The following GRIN2C variants were observed in gnomAD, a reference collection of about 807,000 sequenced individuals.
GRIN2C encodes glutamate ionotropic receptor NMDA type subunit 2C.
A neutral mutation model predicts 77.7 loss-of-function variants in GRIN2C; 64 were observed. That is an observed-to-expected ratio of 0.82 (90% CI 0.67 to 1.01). The LOEUF (loss-of-function observed/expected upper bound fraction) is 1.01, where lower values mean the gene tolerates loss of function less well. GRIN2C is among the 50% of genes least tolerant of loss of function. The pLI, the probability that GRIN2C is intolerant of heterozygous loss-of-function variation, is 0.00. For synonymous variants in GRIN2C, 792 were observed against 643.4 expected (o/e 1.23, Z -3.49); for missense variants, 1,549 against 1,486.0 (o/e 1.04, Z -0.70).
At chr17:74,858,584 C>T (rs1403746350) in intron 1 of GRIN2C, among the ~76,000 whole-genome samples, 1 of 148,906 alleles carries the variant, frequency 6.7e-6, no homozygotes, top group East Asian at 2.0e-4. Context: ...CCGCCACAAT[C>T]TCCTCCCTTG....
chr17:74,844,932 A>G (rs1419907284), intron 11 of GRIN2C, among the ~76,000 whole-genome samples: 9 of 150,984 alleles, frequency 6.0e-5, no homozygotes, highest in South Asian at 4.2e-4. Context: ...TATTATTATT[A>G]TTGTTATTAT....
Position 74,850,927 on chromosome 17 carries a change from T to C in GRIN2C, c.1114-160A>G, listed in dbSNP as rs1046466107. 88 of 639,890 alleles carry C rather than the reference T, an allele frequency of 1.4e-4. 1 individual carries two copies. Among genetic ancestry groups the C allele is most frequent in the Admixed American group, 1.0e-4 (4 of 39,728 alleles). The allele number at this position is 639,890 out of a possible 1,614,324, so 39.6% of individuals were successfully genotyped here. On this transcript the variant is annotated intron_variant, in intron 4 of 12. Coordinates refer to ENST00000293190, the MANE Select transcript of GRIN2C (RefSeq NM_000835.6). The surrounding 1 kb of genome is among the most constrained non-coding windows in gnomAD (Gnocchi z 5.3). ...ACAGCCTCCCCCAGCCTCGGGTCCC[T>C]GTGTTCATACAGCTCCACACTGACC...
chr17:74,845,923 T>C (rs899926782), intron 11 of GRIN2C, 143 bp downstream of exon 11: 3 of 739,874 alleles, frequency 4.1e-6, no homozygotes, highest in Non-Finnish European at 7.0e-6. Context: ...TCCTAGTACC[T>C]GCCCACCTCA....
chr17:74,852,525 C>G lies in GRIN2C; in HGVS notation c.486G>C (p.Trp162Cys), dbSNP rs1485211745. The change falls in exon 3 of 13, where the codon TGG (tryptophan) becomes TGC (cysteine). Residue 162 changes from tryptophan (W) to cysteine (C), a missense_variant. This residue lies in a region of GRIN2C where 382 missense variants were observed against 360.0 expected (regional missense o/e 1.06). Coordinates refer to ENST00000293190, the MANE Select transcript of GRIN2C (RefSeq NM_000835.6). ...GGCTGGTGATGACGGCGAAGGCGCTCCAGTCGTACTCTTCCAGCACCTTGA... is the reference window on the plus strand; with the variant it reads ...GGCTGGTGATGACGGCGAAGGCGCTGCAGTCGTACTCTTCCAGCACCTTGA... ...VLFKVLEEYD[W>C]SAFAVITSLH... The G allele has an allele frequency of 1.3e-6, 2 of 1,567,796 alleles. No individual in the cohort carries two copies. Among genetic ancestry groups the G allele is most frequent in the African/African-American group, 2.8e-5 (2 of 70,908 alleles).
rs552884379 is a variant in GRIN2C at position 74,851,525 on chromosome 17, C to T, written c.1113+52G>A. ...GCTCAGCTGTGGGCACAAGAGGAGGCGGGGACAAAATAAGAGGACACTGAG... is the reference window on the plus strand; with the variant it reads ...GCTCAGCTGTGGGCACAAGAGGAGGTGGGGACAAAATAAGAGGACACTGAG... On this transcript the variant is annotated intron_variant, in intron 4 of 12. Coordinates refer to ENST00000293190, the MANE Select transcript of GRIN2C (RefSeq NM_000835.6). 1.5e-4 allele frequency: 156 copies of T among 1,029,650 alleles called. 1 individual carries two copies. The highest frequency in any genetic ancestry group is 1.4e-3 in the Middle Eastern group (7 of 4,966). The allele number at this position is 1,029,650 out of a possible 1,614,324, so 63.8% of individuals were successfully genotyped here. A position where few individuals can be genotyped will look rare whatever the true frequency, so the allele number is the denominator to read the frequency against.
Position 74,842,351 on chromosome 17 carries a change from G to A in GRIN2C, c.*84C>T. 1 of 685,720 alleles carries A rather than the reference G, an allele frequency of 1.5e-6. No individual in the cohort carries two copies. Among genetic ancestry groups the A allele is most frequent in the South Asian group, 1.6e-5 (1 of 60,958 alleles). 42.5% of individuals were successfully genotyped at this position (685,720 alleles called of 1,614,324 possible). A position where few individuals can be genotyped will look rare whatever the true frequency, so the allele number is the denominator to read the frequency against. On this transcript the variant is annotated 3_prime_UTR_variant, in exon 13 of 13. Coordinates refer to ENST00000293190, the MANE Select transcript of GRIN2C (RefSeq NM_000835.6). The stretch of plus-strand genomic sequence containing the variant: ...GGCCAGGATTTCATGGCAGAAGCCA[G>A]AAAAGCCCAATCCTGCCTGCCGCTT...
chr17:74,847,650 C>T lies in GRIN2C; in HGVS notation c.1772-113G>A, dbSNP rs529218241. 21 of 904,838 alleles carry T rather than the reference C, an allele frequency of 2.3e-5. No individual in the cohort carries two copies. The highest frequency in any genetic ancestry group is 3.3e-4 in the Middle Eastern group (1 of 2,996). 56.1% of individuals were successfully genotyped at this position (904,838 alleles called of 1,614,324 possible). ...GGTCTCAGCCTGGCCTTGGGGGGGA[C>T]GCGTCCTGGCCATTCCCTCGCCAGG... On this transcript the variant is annotated intron_variant, in intron 8 of 12. Coordinates refer to ENST00000293190, the MANE Select transcript of GRIN2C (RefSeq NM_000835.6). This position sits in a 1 kb window ranked among gnomAD's most constrained non-coding sequence, Gnocchi z 5.2.
At position 74,844,525 on chromosome 17, in the gene GRIN2C, T is replaced by C; in HGVS notation, c.2351-17A>G. 6.2e-7 allele frequency: 1 copy of C among 1,610,026 alleles called. No homozygotes were observed. The highest frequency in any genetic ancestry group is 1.1e-5 in the South Asian group (1 of 90,968). On this transcript the variant is annotated splice_polypyrimidine_tract_variant and intron_variant, in intron 11 of 12. Transcript: ENST00000293190. ...GTGTCTCTCCTGGAGTTGGGGGGTG[T>C]ACACATCTGGCTCAGGAAACCCCCC...
chr17:74,861,165 G>A (rs1024384871), upstream of GRIN2C, among the ~76,000 whole-genome samples: 4 of 152,224 alleles, frequency 2.6e-5, no homozygotes, highest in African/African-American at 4.8e-5. Flanking sequence ...CTTCGCCCGC[G>A]TCCTTCTCTC....
Position 74,847,697 on chromosome 17 carries a change from T to A in GRIN2C, c.1771+155A>T, listed in dbSNP as rs1210504140. ...CAGGTGAAGTGAGCTCACGTGTGTG[T>A]TTCTGTGTGTGTGTGTCATCTGACT... is the stretch of plus-strand genomic sequence containing the variant. On this transcript the variant is annotated intron_variant, in intron 8 of 12. Transcript: ENST00000293190. The surrounding 1 kb of genome is among the most constrained non-coding windows in gnomAD (Gnocchi z 5.2). Among the ~76,000 whole-genome samples the A allele has an allele frequency of 3.9e-5, 6 of 152,000 alleles. No individual in the cohort carries two copies. The highest frequency in any genetic ancestry group is 1.4e-4 in the African/African-American group (6 of 41,388).
intron 7 of GRIN2C, among the ~76,000 whole-genome samples, chr17:74,848,582 C>T (rs2037533973): frequency 6.6e-6 from 1 of 152,126 alleles, no homozygotes; most frequent in Non-Finnish European, 1.5e-5. Flanking sequence ...TGCCTGTAGT[C>T]CCAGCTACTC....
chr17:74,844,214 C>G (rs1001033501), intron 12 of GRIN2C, 62 bp downstream of exon 12: 26 of 1,594,696 alleles, frequency 1.6e-5, no homozygotes, highest in Non-Finnish European at 2.2e-5. Context: ...ATGGCCAGCC[C>G]GGACTTATCT....
Position 74,850,344 on chromosome 17 carries a change from C to CTT in GRIN2C, c.1351_1352dup (p.Leu452SerfsTer28). On this transcript the variant is annotated frameshift_variant, in exon 6 of 13. Coordinates refer to ENST00000293190, the MANE Select transcript of GRIN2C (RefSeq NM_000835.6). LOFTEE classifies it high-confidence loss of function. The surrounding 1 kb of genome is among the most constrained non-coding windows in gnomAD (Gnocchi z 5.3). ...CGATGCAGAATCCCTTACAGCAGAGCTTGGTGTAGGGGGCCACGTCCCCGC... is the reference window on the plus strand; with the variant it reads ...CGATGCAGAATCCCTTACAGCAGAGCTTTTGGTGTAGGGGGCCACGTCCCCGC... The CTT allele has an allele frequency of 6.2e-7, 1 of 1,613,424 alleles. No individual in the cohort carries two copies. The highest frequency in any genetic ancestry group is 8.5e-7 in the Non-Finnish European group (1 of 1,179,952).
rs146252495 is a variant in GRIN2C, at chr17:74,847,741, T to A, written c.1771+111A>T. 9.9e-5 allele frequency: 113 copies of A among 1,145,498 alleles called. No individual in the cohort carries two copies. The African/African-American group carries it at 1.6e-3, about 16-fold the overall frequency. The allele number at this position is 1,145,498 out of a possible 1,614,324, so 71.0% of individuals were successfully genotyped here. A position where few individuals can be genotyped will look rare whatever the true frequency, so the allele number is the denominator to read the frequency against. ...TCTGACTGGCCCCCAGCATGTGCCA[T>A]CCAAAAGCAAGGGACCTCCCAAAGG... On this transcript the variant is annotated intron_variant, in intron 8 of 12. Transcript: ENST00000293190. This position sits in a 1 kb window ranked among gnomAD's most constrained non-coding sequence, Gnocchi z 5.2.
At chr17:74,852,900 G>A (rs1392354655) in intron 2 of GRIN2C, 7 of 353,724 alleles carry the variant, frequency 2.0e-5, no homozygotes, top group African/African-American at 1.5e-4. Flanking sequence ...ACCCCACACC[G>A]ACTGGATCGG....
chr17:74,849,867 C>A lies in GRIN2C; in HGVS notation c.1558G>T (p.Val520Leu), dbSNP rs766009350. 1.9e-6 allele frequency: 3 copies of A among 1,613,594 alleles called. No homozygotes were observed. The highest frequency in any genetic ancestry group is 1.1e-5 in the South Asian group (1 of 91,032). ...TCCACAAAGGGTACAGAGAAGTCTA[C>A]GATCTCGGAGCGTTCCTCATTGATG... ...LTINEERSEI[V>L]DFSVPFVETG... Residue 520 changes from valine to leucine, a missense_variant, in exon 7 of 13, where the codon GTA becomes TTA. By Grantham distance (32) the Val-to-Leu change is conservative. Coordinates refer to ENST00000293190, the MANE Select transcript of GRIN2C (RefSeq NM_000835.6). The surrounding 1 kb of genome is among the most constrained non-coding windows in gnomAD (Gnocchi z 4.6).
chr17:74,850,580 C>T lies in GRIN2C; in HGVS notation c.1301G>A (p.Arg434His), dbSNP rs768767640. Residue 434 changes from arginine (R) to histidine (H), a missense_variant, in exon 5 of 13, where the codon CGC becomes CAC. Around this residue, in one of 3 missense-constraint regions of GRIN2C, gnomAD observed 717 missense variants for 858.1 expected, o/e 0.84. Transcript: ENST00000293190. The surrounding 1 kb of genome is among the most constrained non-coding windows in gnomAD (Gnocchi z 5.3). ...CCTGAAGGTGTGGTTGCTCTGCCTG[C>T]GGCAGGGCACGGTGTTGGGGACACA... ...GGCVPNTVPC[R>H]RQSNHTFSSG... 6.8e-6 allele frequency: 11 copies of T among 1,613,270 alleles called. No homozygotes were observed. The highest frequency in any genetic ancestry group is 2.2e-5 in the East Asian group (1 of 44,890).
At chr17:74,848,203 T>C (rs1173109276) in intron 7 of GRIN2C, among the ~76,000 whole-genome samples, 1 of 151,114 alleles carries the variant, frequency 6.6e-6, no homozygotes, top group Admixed American at 6.6e-5. Context: ...CCCACTTCCC[T>C]GGGACAGGTA....
chr17:74,855,741 T>C (rs2037802360), intron 1 of GRIN2C, among the ~76,000 whole-genome samples: 1 of 150,756 alleles, frequency 6.6e-6, no homozygotes, highest in African/African-American at 2.5e-5. Context: ...GGATCTTCCA[T>C]CTGTCTCTCA....
Sources: gnomAD v4.1 joint callset for allele counts (sites outside exome capture counted in the v4.1 genomes callset) on GRCh38, gnomAD v4.1.1 for gene constraint, gnomAD v4.1.1 regional missense constraint, Gnocchi (gnomAD v3.1) non-coding constraint, MANE v1.5 for transcripts, NCBI Gene and HGNC (gene_info 2026-07-23, HGNC 2026-07-21) for gene names.